Variants in RBFOX1 observed in about 807,000 individuals in gnomAD.
The protein encoded by RBFOX1 is RNA binding fox-1 homolog 1, also known as RNA binding protein fox-1 homolog 1.
Under a neutral mutation model 57.7 loss-of-function variants are expected in RBFOX1, and 8 were observed. The ratio of observed to expected loss-of-function variants is 0.14; its 90% CI spans 0.08 to 0.25. RBFOX1 has a LOEUF of 0.25. RBFOX1 is among the 10% of genes least tolerant of loss of function. RBFOX1 has a pLI of 1.00. For missense variants in RBFOX1, 611 were observed against 548.5 expected, an observed-to-expected ratio of 1.11 and a Z score of -1.14; for synonymous variants, 326 against 222.4, an observed-to-expected ratio of 1.47 and a Z score of -4.15.
In RBFOX1 at chr16:5,387,053, AAAAAAT is replaced by A. The variant is rs2066278780; in HGVS notation, c.220-80150_220-80145del. Among the ~76,000 whole-genome samples, 4 of 152,310 alleles carry A rather than the reference AAAAAAT, an allele frequency of 2.6e-5. No individual in the cohort carries two copies. The South Asian group carries it at 8.3e-4, about 32-fold the overall frequency. ...GCAACAAGAGTGAAACTCCATCTCA[AAAAAAT>A]AAAAATAAAAATGTAGTTTGGTTGC... is the stretch of plus-strand genomic sequence containing the variant. On this transcript the variant is annotated intron_variant, in intron 1 of 2. Coordinates refer to the RBFOX1 transcript ENST00000585867.
chr16:6,833,622 C>G (rs149127145), intron 3 of RBFOX1, among the ~76,000 whole-genome samples: 2 of 152,222 alleles, frequency 1.3e-5, no homozygotes, highest in Admixed American at 6.5e-5. Flanking sequence ...TTACATGTCA[C>G]AGGGCAGAGA....
intron 3 of RBFOX1, among the ~76,000 whole-genome samples, chr16:6,933,145 C>G (rs902357077): frequency 6.6e-6 from 1 of 152,202 alleles, no homozygotes; most frequent in East Asian, 1.9e-4. Flanking sequence ...CTCCATTCAT[C>G]TGTAGACGCT....
intron 2 of RBFOX1, among the ~76,000 whole-genome samples, chr16:6,559,827 G>C (rs983996175): frequency 6.6e-6 from 1 of 152,100 alleles, no homozygotes; most frequent in African/African-American, 2.4e-5. Context: ...ACAAACTGAA[G>C]TTGTTCCCTG....
intron 11 of RBFOX1, among the ~76,000 whole-genome samples, chr16:7,644,096 A>C (rs574387029): frequency 6.6e-6 from 1 of 152,160 alleles, no homozygotes; most frequent in Non-Finnish European, 1.5e-5. Flanking sequence ...AGAAGTAGAA[A>C]GCTTTTCCCG....
intron 3 of RBFOX1, among the ~76,000 whole-genome samples, chr16:5,753,500 A>G (rs978201637): frequency 2.6e-5 from 4 of 152,232 alleles, no homozygotes; most frequent in Non-Finnish European, 4.4e-5. Flanking sequence ...ATATGCGGCA[A>G]CGGAGTTGCT....
At chr16:5,688,897 T>C (rs555244062) in intron 3 of RBFOX1, among the ~76,000 whole-genome samples, 2 of 152,214 alleles carry the variant, frequency 1.3e-5, no homozygotes, top group Non-Finnish European at 2.9e-5. Context: ...TCTCCTGGTA[T>C]TGAGTTTCAG....
At chr16:6,795,396 C>T (rs188072179) in intron 3 of RBFOX1, among the ~76,000 whole-genome samples, 1 of 152,104 alleles carries the variant, frequency 6.6e-6, no homozygotes, top group Non-Finnish European at 1.5e-5. Context: ...AAAATCAGCT[C>T]TGGGGAGTTT....
chr16:5,505,030 G>A (rs566978700), intron 2 of RBFOX1, among the ~76,000 whole-genome samples: 4 of 152,060 alleles, frequency 2.6e-5, no homozygotes, highest in Non-Finnish European at 5.9e-5. Flanking sequence ...GTGTTCTAAA[G>A]CTGGTCAAGG....
At chr16:7,045,095 G>T (rs1008468967) in intron 3 of RBFOX1, among the ~76,000 whole-genome samples, 1 of 152,114 alleles carries the variant, frequency 6.6e-6, no homozygotes, top group Non-Finnish European at 1.5e-5. Flanking sequence ...TGCATTCGAT[G>T]ATCCCTACTT....
At chr16:5,319,234 A>G (rs2064331602) in intron 1 of RBFOX1, among the ~76,000 whole-genome samples, 4 of 152,222 alleles carry the variant, frequency 2.6e-5, no homozygotes, top group Admixed American at 2.0e-4. Flanking sequence ...CCCACTTGTG[A>G]TGGAGAGGGC....
intron 1 of RBFOX1, among the ~76,000 whole-genome samples, chr16:6,023,360 T>A (rs1280276134): frequency 6.6e-6 from 1 of 152,082 alleles, no homozygotes; most frequent in Non-Finnish European, 1.5e-5. Context: ...TAGAAAAAAA[T>A]TAAGCTTAGT....
At chr16:7,490,979 T>G (rs2066786084) in intron 4 of RBFOX1, among the ~76,000 whole-genome samples, 1 of 152,256 alleles carries the variant, frequency 6.6e-6, no homozygotes, top group Middle Eastern at 3.4e-3. Flanking sequence ...GGAGATCTCT[T>G]CATCATAGCA....
chr16:6,448,181 A>G (rs71392476), intron 2 of RBFOX1, among the ~76,000 whole-genome samples: 7 of 26,280 alleles, frequency 2.7e-4, no homozygotes, highest in African/African-American at 1.1e-3. Context: ...TTTTTTTGAG[A>G]TGGAATCCTG....
chr16:6,216,185 G>C (rs1175924812), intron 1 of RBFOX1, among the ~76,000 whole-genome samples: 1 of 152,062 alleles, frequency 6.6e-6, no homozygotes, highest in Non-Finnish European at 1.5e-5. Context: ...TGGGTACTGG[G>C]CTTAATACCT....
chr16:7,191,030 A>G (rs2085253328), intron 4 of RBFOX1, among the ~76,000 whole-genome samples: 1 of 152,086 alleles, frequency 6.6e-6, no homozygotes, highest in African/African-American at 2.4e-5. Context: ...CATAGTGTCT[A>G]GATGATCAAT....
At chr16:5,617,386 C>T (rs779698497) in intron 3 of RBFOX1, among the ~76,000 whole-genome samples, 3 of 152,138 alleles carry the variant, frequency 2.0e-5, no homozygotes, top group Non-Finnish European at 2.9e-5. Flanking sequence ...TCTCTGGTTC[C>T]CATCCCGGGT....
At chr16:7,051,157 G>A (rs1261437697) in intron 3 of RBFOX1, among the ~76,000 whole-genome samples, 1 of 152,142 alleles carries the variant, frequency 6.6e-6, no homozygotes, top group African/African-American at 2.4e-5. Flanking sequence ...TAGAATAAAG[G>A]TGAATGAAGA....
At chr16:7,417,413 C>T (rs2098491218) in intron 4 of RBFOX1, among the ~76,000 whole-genome samples, 2 of 150,692 alleles carry the variant, frequency 1.3e-5, no homozygotes, top group African/African-American at 4.9e-5. Flanking sequence ...TATCCTGTTC[C>T]CCCAGTTTCC....
intron 4 of RBFOX1, among the ~76,000 whole-genome samples, chr16:7,475,947 G>A (rs142229857): frequency 1.5e-3 from 226 of 152,212 alleles, no homozygotes; most frequent in African/African-American, 5.2e-3. Flanking sequence ...AGCCAGTAGA[G>A]TAAGACATTA....
Sources: allele counts gnomAD v4.1 joint callset (sites outside exome capture counted in the v4.1 genomes callset), GRCh38; gene constraint gnomAD v4.1.1; transcripts MANE v1.5; gene names NCBI Gene and HGNC (gene_info 2026-07-23, HGNC 2026-07-21).